Variants in KHDRBS3 observed in about 807,000 individuals in gnomAD.
KHDRBS3 encodes the protein KH RNA binding domain containing, signal transduction associated 3.
KHDRBS3 carries 23 observed loss-of-function variants against 45.6 expected under a neutral mutation model. The observed-to-expected ratio is 0.50, with a 90% CI of 0.36 to 0.72. The LOEUF (loss-of-function observed/expected upper bound fraction) is 0.72. Among genes scored for constraint, KHDRBS3 ranks in the 30% least tolerant of loss-of-function variants. The probability of loss-of-function intolerance (pLI) is 0.00; values close to 1 mark genes in which losing one functional copy is unlikely to be tolerated. For synonymous variants in KHDRBS3, 162 were observed against 156.5 expected, an observed-to-expected ratio of 1.04 and a Z score of -0.26; for missense variants, 352 against 424.8, an observed-to-expected ratio of 0.83 and a Z score of 1.51.
intron 7 of KHDRBS3, among the ~76,000 whole-genome samples, chr8:135,630,938 T>C (rs1324749481): frequency 2.0e-5 from 3 of 152,114 alleles, no homozygotes; most frequent in African/African-American, 7.2e-5. Context: ...ATGCATAGGC[T>C]ACACTGCACA....
chr8:135,532,154 G>GT (rs540192717), intron 2 of KHDRBS3, among the ~76,000 whole-genome samples: 34 of 152,228 alleles, frequency 2.2e-4, no homozygotes, highest in Admixed American at 1.2e-3. Context: ...TAGGTTTACT[G>GT]TTGTTTAGAG....
intron 4 of KHDRBS3, chr8:135,656,097 A>G (rs1349726469): frequency 6.6e-6 from 1 of 152,220 alleles, no homozygotes; most frequent in African/African-American, 2.4e-5. Flanking sequence ...ATTGTTTTCC[A>G]TAAACGTCCT....
At chr8:135,584,677 A>G (rs1416557862) in intron 6 of KHDRBS3, among the ~76,000 whole-genome samples, 2 of 152,198 alleles carry the variant, frequency 1.3e-5, no homozygotes, top group East Asian at 3.9e-4. Context: ...TAAGGAGTAG[A>G]TAAAGCCCTT....
chr8:135,645,085 A>T lies in KHDRBS3; in HGVS notation c.917A>T (p.His306Leu), dbSNP rs1831227532. Residue 306 changes from histidine to leucine, a missense_variant, in exon 8 of 9, where the codon CAT becomes CTT. By Grantham distance (99) the His-to-Leu change is moderately conservative. Transcript: ENST00000355849. ...GGTGCTGATTACTATGATTACGGAC[A>T]TGGACTCAGTGAGGAGACTTATGAT... is the stretch of plus-strand genomic sequence containing the variant. ...QSGADYYDYG[H>L]GLSEETYDSY... is the part of the protein sequence containing the mutation. The T allele has an allele frequency of 1.2e-6, 2 of 1,613,710 alleles. No individual in the cohort carries two copies. The highest frequency in any genetic ancestry group is 1.1e-5 in the South Asian group (1 of 91,070).
chr8:135,561,980 TAAAA>T (rs200125161), intron 5 of KHDRBS3, among the ~76,000 whole-genome samples: 9 of 149,766 alleles, frequency 6.0e-5, no homozygotes, highest in African/African-American at 1.7e-4. Context: ...TCAAAAAGTT[TAAAA>T]AAAAAAGTTA....
chr8:135,480,207 A>G (rs1305423156), intron 1 of KHDRBS3, among the ~76,000 whole-genome samples: 2 of 152,192 alleles, frequency 1.3e-5, no homozygotes, highest in African/African-American at 4.8e-5. Context: ...AGGTACCATT[A>G]TATTTGTGAA....
intron 2 of KHDRBS3, among the ~76,000 whole-genome samples, chr8:135,536,790 C>T (rs540745191): frequency 6.7e-6 from 1 of 149,772 alleles, no homozygotes; most frequent in East Asian, 2.0e-4. Flanking sequence ...GAAACCCCGT[C>T]TCTACTAAAA....
chr8:135,600,687 G>T (rs569582809), intron 6 of KHDRBS3, among the ~76,000 whole-genome samples: 1 of 152,212 alleles, frequency 6.6e-6, no homozygotes, highest in African/African-American at 2.4e-5. Flanking sequence ...ACATAGGGAT[G>T]CGTTATATAT....
intron 7 of KHDRBS3, among the ~76,000 whole-genome samples, chr8:135,628,398 T>C (rs1563816846): frequency 6.6e-6 from 1 of 152,220 alleles, no homozygotes; most frequent in Non-Finnish European, 1.5e-5. Flanking sequence ...CATACTAAGA[T>C]TATTCCACAA....
rs1194521113 is a variant in KHDRBS3 at position 135,480,831 on chromosome 8, A to G, written c.88+22877A>G. 2.0e-5 allele frequency among the ~76,000 whole-genome samples: 3 copies of G among 152,176 alleles called. No individual in the cohort carries two copies. In the East Asian group the frequency reaches 5.8e-4, roughly 29 times the overall value. Reference sequence around the variant, plus strand: ...TGAATACTGTTTTTCATAGCTGTGTAGTACTTCATGTTACATATGTCATCA... The same window carrying G: ...TGAATACTGTTTTTCATAGCTGTGTGGTACTTCATGTTACATATGTCATCA... On this transcript the variant is annotated intron_variant, in intron 1 of 8. Coordinates refer to ENST00000355849, the MANE Select transcript of KHDRBS3 (RefSeq NM_006558.3).
chr8:135,643,418 G>A lies in KHDRBS3; in HGVS notation c.891-1641G>A, dbSNP rs568866481. Among the ~76,000 whole-genome samples the A allele has an allele frequency of 1.4e-3, 214 of 152,292 alleles. 2 individuals are homozygous for A. Among genetic ancestry groups the A allele is most frequent in the African/African-American group, 4.6e-3 (191 of 41,564 alleles). On this transcript the variant is annotated intron_variant, in intron 7 of 8. Coordinates refer to ENST00000355849, the MANE Select transcript of KHDRBS3 (RefSeq NM_006558.3). ...AGAATGAGAACCAGGGCATGCTGTCGTGGGAAACCAACCTCACTCAGGGAT... is the reference window on the plus strand; with the variant it reads ...AGAATGAGAACCAGGGCATGCTGTCATGGGAAACCAACCTCACTCAGGGAT...
At chr8:135,460,746 C>T (rs1422700721) in intron 1 of KHDRBS3, among the ~76,000 whole-genome samples, 1 of 152,168 alleles carries the variant, frequency 6.6e-6, no homozygotes, top group African/African-American at 2.4e-5. Flanking sequence ...GATTTATCTT[C>T]CAGGATTTTG....
At chr8:135,505,533 C>A (rs896843399) in intron 1 of KHDRBS3, among the ~76,000 whole-genome samples, 2 of 152,012 alleles carry the variant, frequency 1.3e-5, no homozygotes, top group Non-Finnish European at 2.9e-5. Context: ...AGAAATCATG[C>A]CAGATATTTT....
rs1821166333 is a variant in KHDRBS3, at chr8:135,457,572, C to T, written c.-295C>T. Reference sequence around the variant, plus strand: ...TGCCTCAGGGGCGCCGCAGCCCGCTCGGCCCGAGGGCCCGCCTAACCGCGC... The same window carrying T: ...TGCCTCAGGGGCGCCGCAGCCCGCTTGGCCCGAGGGCCCGCCTAACCGCGC... On this transcript the variant is annotated 5_prime_UTR_variant, in exon 1 of 9. Coordinates refer to ENST00000355849, the MANE Select transcript of KHDRBS3 (RefSeq NM_006558.3). This position sits in a 1 kb window ranked among gnomAD's most constrained non-coding sequence, Gnocchi z 4.4. 2 of 146,690 alleles carry T rather than the reference C, an allele frequency of 1.4e-5. No homozygotes were observed. The highest frequency in any genetic ancestry group is 1.4e-4 in the Admixed American group (2 of 14,734). 9.1% of individuals were successfully genotyped at this position (146,690 alleles called of 1,614,324 possible).
chr8:135,523,262 A>C (rs1465894610), intron 2 of KHDRBS3, among the ~76,000 whole-genome samples: 1 of 152,190 alleles, frequency 6.6e-6, no homozygotes, highest in African/African-American at 2.4e-5. Flanking sequence ...GAGATTTGAC[A>C]TCTTAACAAT....
intron 7 of KHDRBS3, among the ~76,000 whole-genome samples, chr8:135,630,745 A>C (rs1205447664): frequency 6.6e-6 from 1 of 152,116 alleles, no homozygotes; most frequent in African/African-American, 2.4e-5. Flanking sequence ...AAACGTATCT[A>C]AACATAGAAA....
chr8:135,581,834 A>G, intron 5 of KHDRBS3, 44 bp from the exon 6 acceptor site: 2 of 1,352,430 alleles, frequency 1.5e-6, no homozygotes, highest in South Asian at 3.6e-5. Context: ...ACAGAATGTT[A>G]GAGACTATGA....
chr8:135,543,868 A>T (rs1273022700), intron 3 of KHDRBS3, among the ~76,000 whole-genome samples: 1 of 152,118 alleles, frequency 6.6e-6, no homozygotes, highest in Non-Finnish European at 1.5e-5. Context: ...TTTGTGTGGG[A>T]TACTGTTTAA....
chr8:135,483,710 G>C (rs1563711983), intron 1 of KHDRBS3, among the ~76,000 whole-genome samples: 1 of 152,158 alleles, frequency 6.6e-6, no homozygotes, highest in Non-Finnish European at 1.5e-5. Flanking sequence ...GCTTCCTCCT[G>C]TCCATCTGCC....
Sources: allele counts gnomAD v4.1 joint callset (sites outside exome capture counted in the v4.1 genomes callset), GRCh38; gene constraint gnomAD v4.1.1; non-coding constraint Gnocchi (gnomAD v3.1); transcripts MANE v1.5; gene names NCBI Gene and HGNC (gene_info 2026-07-23, HGNC 2026-07-21).